METTL9: variants seen among roughly 807,000 people sequenced by gnomAD.
METTL9 encodes protein-L-histidine N-pros-methyltransferase.
A neutral mutation model predicts 36.0 loss-of-function variants in METTL9; 10 were observed. The observed-to-expected ratio is 0.28, with a 90% confidence interval of 0.17 to 0.47. METTL9 has a LOEUF of 0.47. METTL9 is among the 20% of genes least tolerant of loss of function. METTL9 has a pLI of 0.99. For missense variants in METTL9, 246 were observed against 383.5 expected (o/e 0.64, Z 3.00); for synonymous variants, 175 against 149.7 (o/e 1.17, Z -1.23).
intron 4 of METTL9, among the ~76,000 whole-genome samples, chr16:21,651,428 G>A (rs935916617): frequency 2.0e-5 from 3 of 152,206 alleles, no homozygotes; most frequent in Admixed American, 6.5e-5. Context: ...CCAGGTGGGT[G>A]GGACTGCAGG....
Position 21,655,483 on chromosome 16 carries a change from T to G in METTL9, c.*51T>G. ...GTCCGCACCCTCCGGGATGTGCCCT[T>G]GGAAGAGGGTCTGTGTTCACAATTA... On this transcript the variant is annotated 3_prime_UTR_variant, in exon 5 of 5. Transcript: ENST00000358154. 3 of 1,480,558 alleles carry G rather than the reference T, an allele frequency of 2.0e-6. No individual in the cohort carries two copies. The highest frequency in any genetic ancestry group is 2.8e-6 in the Non-Finnish European group (3 of 1,073,106). The allele number at this position is 1,480,558 out of a possible 1,614,324, so 91.7% of individuals were successfully genotyped here.
chr16:21,655,304 C>G lies in METTL9; in HGVS notation c.829C>G (p.Pro277Ala), dbSNP rs1253651606. ...QNWEEQVNSL[P>A]EVFRKAGFVI... ...CTGGGAAGAACAAGTGAATAGTCTG[C>G]CTGAAGTTTTCAGAAAAGCTGGTTT... Residue 277 changes from proline (P) to alanine (A), a missense_variant, in exon 5 of 5, where the codon CCT becomes GCT. By Grantham distance (27) the Pro-to-Ala change is conservative (BLOSUM62 -1). Around this residue, in one of 2 missense-constraint regions of METTL9, gnomAD observed 146 missense variants for 302.1 expected, o/e 0.48. Transcript: ENST00000358154. 6.2e-7 allele frequency: 1 copy of G among 1,614,192 alleles called. No homozygotes were observed. Among genetic ancestry groups the G allele is most frequent in the East Asian group, 2.2e-5 (1 of 44,886 alleles).
chr16:21,629,399 G>A (rs1435142574), intron 4 of METTL9, among the ~76,000 whole-genome samples: 1 of 152,140 alleles, frequency 6.6e-6, no homozygotes, highest in Admixed American at 6.5e-5. Context: ...GATACAACAA[G>A]AGGTCAGCAG....
At chr16:21,635,632 A>T (rs975987567) in intron 4 of METTL9, among the ~76,000 whole-genome samples, 1 of 152,080 alleles carries the variant, frequency 6.6e-6, no homozygotes, top group South Asian at 2.1e-4. Flanking sequence ...GAGAGAGAAT[A>T]TTGGGGCTAG....
At chr16:21,652,068 A>C (rs560492716) in intron 4 of METTL9, 1 of 152,240 alleles carries the variant, frequency 6.6e-6, no homozygotes, top group Non-Finnish European at 1.5e-5. Context: ...AGATAAAAAA[A>C]CAGAAGTAGA....
chr16:21,636,585 C>T (rs1315969672), intron 4 of METTL9, among the ~76,000 whole-genome samples: 1 of 152,266 alleles, frequency 6.6e-6, no homozygotes, highest in East Asian at 1.9e-4. Context: ...TGCTCATGGC[C>T]GCAGGGTCAA....
chr16:21,641,681 T>C, intron 4 of METTL9: 1 of 712,228 alleles, frequency 1.4e-6, no homozygotes, highest in South Asian at 1.9e-5. Flanking sequence ...CACTGGGCCA[T>C]CTTGGATTCT....
At chr16:21,619,431 T>C (rs932345926) in intron 3 of METTL9, among the ~76,000 whole-genome samples, 5 of 151,832 alleles carry the variant, frequency 3.3e-5, no homozygotes, top group African/African-American at 1.2e-4. Flanking sequence ...AAGGGCCTTT[T>C]TTTTTTTTCT....
intron 4 of METTL9, chr16:21,653,908 T>A (rs1397812347): frequency 6.6e-6 from 1 of 152,080 alleles, no homozygotes; most frequent in African/African-American, 2.4e-5. Flanking sequence ...TCCCCAGACA[T>A]GGGAAGAGCG....
chr16:21,616,107 C>T (rs376554633), intron 2 of METTL9, among the ~76,000 whole-genome samples: 1 of 152,176 alleles, frequency 6.6e-6, no homozygotes, highest in African/African-American at 2.4e-5. Context: ...TTACCTTGGG[C>T]ACCGTGTTGC....
chr16:21,622,511 C>T (rs1390148607), intron 3 of METTL9, among the ~76,000 whole-genome samples: 1 of 152,086 alleles, frequency 6.6e-6, no homozygotes, highest in Non-Finnish European at 1.5e-5. Context: ...AAATAATAAT[C>T]ACTTGAATAG....
intron 4 of METTL9, among the ~76,000 whole-genome samples, chr16:21,631,460 T>G (rs570298762): frequency 2.0e-5 from 3 of 152,348 alleles, no homozygotes; most frequent in Non-Finnish European, 4.4e-5. Context: ...CTGTAAGTAC[T>G]TTAAGGCTCA....
At chr16:21,631,287 G>A (rs1021573544) in intron 4 of METTL9, among the ~76,000 whole-genome samples, 15 of 152,108 alleles carry the variant, frequency 9.9e-5, no homozygotes, top group African/African-American at 2.9e-4. Context: ...ATTTCCACAA[G>A]ATTAGAAGTT....
chr16:21,650,508 CAAAAAAA>C (rs3046229), intron 4 of METTL9, among the ~76,000 whole-genome samples: 1 of 89,990 alleles, frequency 1.1e-5, no homozygotes, highest in African/African-American at 4.6e-5. Flanking sequence ...ACTCTTGTCT[CAAAAAAA>C]AAAAAAAAAA....
chr16:21,599,811 C>T lies in METTL9; in HGVS notation c.78C>T (p.Ser26=), dbSNP rs1466994647. ...CGCGGAGGATGTGGACGCTGCGGAG[C>T]CCGCTCACCCGCTCCCTGTACGTGA... ...WLARRMWTLR[S]PLTRSLYVNM... Residue 26 remains serine, a synonymous_variant, in exon 1 of 5, where the codon AGC becomes AGT. Coordinates refer to ENST00000358154, the MANE Select transcript of METTL9 (RefSeq NM_016025.5). The surrounding 1 kb of genome is among the most constrained non-coding windows in gnomAD (Gnocchi z 4.4). The T allele has an allele frequency of 6.5e-6, 10 of 1,546,100 alleles. No homozygotes were observed. The highest frequency in any genetic ancestry group is 6.1e-6 in the Non-Finnish European group (7 of 1,153,148).
intron 4 of METTL9, chr16:21,641,478 C>T: frequency 1.0e-6 from 1 of 999,136 alleles, no homozygotes; most frequent in Non-Finnish European, 1.5e-6. Flanking sequence ...TTCATTAACA[C>T]TGCCATAGCT....
chr16:21,624,065 G>A (rs560922926), intron 3 of METTL9, among the ~76,000 whole-genome samples: 18 of 152,180 alleles, frequency 1.2e-4, no homozygotes, highest in African/African-American at 2.9e-4. Context: ...CACCGTGCCC[G>A]GTCCTTTTCT....
chr16:21,622,274 A>T (rs1346891105), intron 3 of METTL9, among the ~76,000 whole-genome samples: 2 of 150,094 alleles, frequency 1.3e-5, no homozygotes, highest in Admixed American at 6.7e-5. Flanking sequence ...CTGCCCAAGT[A>T]GCTTAGCTAG....
chr16:21,610,507 GA>G (rs1252632783), intron 1 of METTL9, among the ~76,000 whole-genome samples: 4 of 152,332 alleles, frequency 2.6e-5, no homozygotes, highest in African/African-American at 9.6e-5. Flanking sequence ...TCTTTTTAAA[GA>G]GAAGAGCTTT....
Sources: allele counts gnomAD v4.1 joint callset (sites outside exome capture counted in the v4.1 genomes callset), GRCh38; gene constraint gnomAD v4.1.1; regional missense constraint gnomAD v4.1.1; non-coding constraint Gnocchi (gnomAD v3.1); transcripts MANE v1.5; gene names NCBI Gene and HGNC (gene_info 2026-07-23, HGNC 2026-07-21).